PXDN: variants seen among roughly 807,000 people sequenced by gnomAD.
PXDN encodes the protein peroxidasin homolog.
PXDN carries 77 observed loss-of-function variants against 140.3 expected under a neutral mutation model. The observed-to-expected ratio is 0.55, with a 90% CI of 0.46 to 0.66. PXDN has a LOEUF of 0.66. Ranked by LOEUF, PXDN falls within the 30% of genes least tolerant of loss-of-function variation. The probability of loss-of-function intolerance (pLI) is 0.00; values close to 1 mark genes in which losing one functional copy is unlikely to be tolerated. For missense variants in PXDN, 1,838 were observed against 2,039.5 expected, an observed-to-expected ratio of 0.90 and a Z score of 1.90; for synonymous variants, 911 against 857.4, an observed-to-expected ratio of 1.06 and a Z score of -1.09.
chr2:1,639,405 GC>G lies in PXDN; in HGVS notation c.3969del (p.Gln1324SerfsTer80), dbSNP rs754130502. ...AAATGATAGGAAAAGGCATTGAACT[GC>G]CCCCTGGTCCTACAGTCTAAAATGG... ...QDCCEDCRTR[G>X]QFNAFSYHFR... On this transcript the variant is annotated frameshift_variant, in exon 20 of 23. Transcript: ENST00000252804. LOFTEE classifies it high-confidence loss of function. The surrounding 1 kb of genome is among the most constrained non-coding windows in gnomAD (Gnocchi z 5.0). 2.5e-6 allele frequency: 4 copies of G among 1,613,992 alleles called. No individual in the cohort carries two copies. Among genetic ancestry groups the G allele is most frequent in the Non-Finnish European group, 3.4e-6 (4 of 1,179,872 alleles).
intron 1 of PXDN, among the ~76,000 whole-genome samples, chr2:1,711,433 A>G (rs1417558075): frequency 9.3e-6 from 1 of 108,016 alleles, no homozygotes; most frequent in Non-Finnish European, 1.8e-5. Flanking sequence ...ACTCTCCACT[A>G]GCACCCACTC....
intron 14 of PXDN, among the ~76,000 whole-genome samples, chr2:1,658,052 CTCTCTCTCTCTCTCTCTCTCTCTCTCTCT>C (rs1683197012): frequency 4.7e-5 from 6 of 127,852 alleles, no homozygotes; most frequent in South Asian, 2.9e-4. Context: ...CTCTCTCTCT[CTCTCTCTCTCTCTCTCTCTCTCTCTCTCT>C]CTCTCTCTCT....
Position 1,639,900 on chromosome 2 carries a change from C to T in PXDN, c.3953-478G>A, listed in dbSNP as rs1362178624. ...GACAAGAGGCGGCCTGACCCTGCTT[C>T]TCCTGAATGTAGCCCAAACACCTCC... is the stretch of plus-strand genomic sequence containing the variant. On this transcript the variant is annotated intron_variant, in intron 19 of 22. Transcript: ENST00000252804. This position sits in a 1 kb window ranked among gnomAD's most constrained non-coding sequence, Gnocchi z 5.0. 6.6e-6 allele frequency among the ~76,000 whole-genome samples: 1 copy of T among 152,252 alleles called. No individual in the cohort carries two copies. The highest frequency in any genetic ancestry group is 2.4e-5 in the African/African-American group (1 of 41,470).
At position 1,647,378 on chromosome 2, in the gene PXDN, G is replaced by A. The variant is rs190217061; in HGVS notation, c.3608+794C>T. ...GGCACCGAGTCCTGGGAAGGGGACT[G>A]GCTATGGACCCGGCAGCCCTGATCC... On this transcript the variant is annotated intron_variant, in intron 17 of 22. Transcript: ENST00000252804. Among the ~76,000 whole-genome samples the A allele has an allele frequency of 8.5e-5, 13 of 152,350 alleles. No homozygotes were observed. In the East Asian group the frequency reaches 2.5e-3, roughly 29 times the overall value.
chr2:1,677,798 C>T (rs755298664), intron 7 of PXDN, among the ~76,000 whole-genome samples: 1 of 152,250 alleles, frequency 6.6e-6, no homozygotes, highest in Non-Finnish European at 1.5e-5. Context: ...ATCTCTGCCT[C>T]GTCACCTCAG....
intron 18 of PXDN, among the ~76,000 whole-genome samples, chr2:1,644,123 C>G (rs1682796811): frequency 7.3e-6 from 1 of 136,202 alleles, no homozygotes; most frequent in Non-Finnish European, 1.6e-5. Context: ...GCTCTTCTGA[C>G]TAGCAACAAA....
At chr2:1,704,524 ACAACTCCAGGTGAAGGGGGG>A (rs1475631120) in intron 1 of PXDN, among the ~76,000 whole-genome samples, 1 of 85,344 alleles carries the variant, frequency 1.2e-5, no homozygotes, top group African/African-American at 5.5e-5. Context: ...AAGGTGGGGG[ACAACTCCAGGTGAAGGGGGG>A]CAACTCCAGG....
intron 11 of PXDN, 200 bp downstream of exon 11, chr2:1,664,758 G>T: frequency 1.8e-6 from 1 of 553,186 alleles, no homozygotes; most frequent in Non-Finnish European, 3.2e-6. Flanking sequence ...TGATGTCCAT[G>T]AGGGACGGCC....
intron 1 of PXDN, among the ~76,000 whole-genome samples, chr2:1,720,147 G>A (rs1405986900): frequency 1.2e-5 from 1 of 82,658 alleles, no homozygotes; most frequent in Non-Finnish European, 2.3e-5. Flanking sequence ...AGAATGCAGA[G>A]AGAGAGAGAG....
At chr2:1,713,824 G>A (rs543278653) in intron 1 of PXDN, among the ~76,000 whole-genome samples, 19 of 152,354 alleles carry the variant, frequency 1.2e-4, no homozygotes, top group Admixed American at 7.2e-4. Context: ...GCATCTCCCC[G>A]TAAGTGTCCT....
intron 21 of PXDN, among the ~76,000 whole-genome samples, chr2:1,638,357 AG>A (rs1322243529): frequency 6.6e-6 from 1 of 152,154 alleles, no homozygotes; most frequent in Admixed American, 6.5e-5. Context: ...AGAGCGCCAG[AG>A]AAGAGCCCCG....
At chr2:1,720,410 G>A (rs1572191888) in intron 1 of PXDN, among the ~76,000 whole-genome samples, 1 of 151,778 alleles carries the variant, frequency 6.6e-6, no homozygotes, top group African/African-American at 2.4e-5. Flanking sequence ...TGCACAGAGA[G>A]AGGGAGGGAT....
intron 3 of PXDN, among the ~76,000 whole-genome samples, chr2:1,688,673 A>C (rs943417386): frequency 2.0e-5 from 3 of 152,102 alleles, no homozygotes; most frequent in African/African-American, 7.2e-5. Flanking sequence ...GTTTCTTAGA[A>C]TCCCTGGGCT....
chr2:1,646,956 C>T (rs1333003701), intron 17 of PXDN, among the ~76,000 whole-genome samples: 5 of 152,036 alleles, frequency 3.3e-5, no homozygotes, highest in African/African-American at 9.7e-5. Context: ...AGTGCAGTAG[C>T]GTGATCTCGG....
intron 9 of PXDN, chr2:1,672,299 T>C (rs74971655): frequency 0.061 from 9,305 of 152,344 alleles, 406 homozygotes; most frequent in Non-Finnish European, 0.092. Flanking sequence ...CATAAAGAGC[T>C]GGCTAAATAT....
At chr2:1,654,742 AG>A (rs1244017554) in intron 14 of PXDN, among the ~76,000 whole-genome samples, 1 of 152,216 alleles carries the variant, frequency 6.6e-6, no homozygotes, top group Non-Finnish European at 1.5e-5. Context: ...AGAAGAAGAC[AG>A]GAAGTAGTTA....
At chr2:1,653,476 A>C (rs2125414938) in intron 16 of PXDN, 152 bp downstream of exon 16, 1 of 1,171,738 alleles carries the variant, frequency 8.5e-7, no homozygotes, top group East Asian at 2.6e-5. Flanking sequence ...AGGGCTCAAG[A>C]GGAATCACAG....
intron 14 of PXDN, among the ~76,000 whole-genome samples, chr2:1,655,069 G>A (rs372345320): frequency 4.2e-5 from 6 of 141,616 alleles, no homozygotes; most frequent in East Asian, 4.3e-4. Context: ...ACACACAGGC[G>A]CACACACACC....
At chr2:1,705,601 G>A (rs1032300419) in intron 1 of PXDN, among the ~76,000 whole-genome samples, 34 of 148,852 alleles carry the variant, frequency 2.3e-4, no homozygotes, top group Non-Finnish European at 4.6e-4. Context: ...AGGGTGCAGG[G>A]TGCGGCTCCC....
Sources: gnomAD v4.1 joint callset for allele counts (sites outside exome capture counted in the v4.1 genomes callset) on GRCh38, gnomAD v4.1.1 for gene constraint, Gnocchi (gnomAD v3.1) non-coding constraint, MANE v1.5 for transcripts, NCBI Gene and HGNC (gene_info 2026-07-23, HGNC 2026-07-21) for gene names.